CSRNP1: variants seen among roughly 807,000 people sequenced by gnomAD.
CSRNP1 encodes the protein cysteine/serine-rich nuclear protein 1.
A neutral mutation model predicts 25.0 loss-of-function variants in CSRNP1; 8 were observed. The observed-to-expected ratio is 0.32, with a 90% CI of 0.19 to 0.58. The LOEUF is 0.58. Among genes scored for constraint, CSRNP1 ranks in the 20% least tolerant of loss-of-function variants. The pLI is 0.88. For synonymous variants in CSRNP1, 305 were observed against 303.1 expected (o/e 1.01, Z -0.06); for missense variants, 691 against 773.1 (o/e 0.89, Z 1.26).
rs375503400 is a variant in CSRNP1 at position 39,143,021 on chromosome 3, G to A, written c.*34C>T. ...CCATAATTACAAGAAAGCAGCAACAGGTCTCTTGGGGCTGGGAAAAGACAT... is the reference window on the plus strand; with the variant it reads ...CCATAATTACAAGAAAGCAGCAACAAGTCTCTTGGGGCTGGGAAAAGACAT... On this transcript the variant is annotated 3_prime_UTR_variant, in exon 5 of 5. Transcript: ENST00000273153. 6.6e-7 allele frequency: 1 copy of A among 1,526,118 alleles called. No individual in the cohort carries two copies. Among genetic ancestry groups the A allele is most frequent in the Non-Finnish European group, 8.8e-7 (1 of 1,137,470 alleles). 94.5% of individuals were successfully genotyped at this position (1,526,118 alleles called of 1,614,324 possible). A position where few individuals can be genotyped will look rare whatever the true frequency, so the allele number is the denominator to read the frequency against.
chr3:39,143,882 G>A lies in CSRNP1; in HGVS notation c.943C>T (p.Pro315Ser). 6.2e-7 allele frequency: 1 copy of A among 1,614,198 alleles called. No individual in the cohort carries two copies. Among genetic ancestry groups the A allele is most frequent in the South Asian group, 1.1e-5 (1 of 91,088 alleles). The change falls in exon 5 of 5, where the codon CCT (proline) becomes TCT (serine). Residue 315 changes from proline to serine, a missense_variant. Physicochemically the swap from Pro to Ser is moderately conservative, Grantham distance 74 (BLOSUM62 -1). Coordinates refer to ENST00000273153, the MANE Select transcript of CSRNP1 (RefSeq NM_033027.4). ...GGGCTGGGTGGGCTGCCCTGGGCAG[G>A]GGCCTCCAGCTCCCTAAAGCTCTCA... ...EAESFRELEA[P>S]AQGSPPSPGE... is the part of the protein sequence containing the mutation.
At chr3:39,154,266 C>G (rs997885228), upstream of CSRNP1, 1 of 152,228 alleles carries the variant, frequency 6.6e-6, no homozygotes, top group African/African-American at 2.4e-5. Flanking sequence ...GTTCTTAGAA[C>G]TAGCTTCCCC....
At position 39,143,936 on chromosome 3, in the gene CSRNP1, G is replaced by A. The variant is rs758292915; in HGVS notation, c.889C>T (p.Leu297Phe). ...ARVQTHFIHTLTRLQLEQEAE... is the reference protein window; with the variant it reads ...ARVQTHFIHTFTRLQLEQEAE... ...TCCTGTTCCAACTGCAGGCGGGTGA[G>A]TGTGTGGATGAAATGGGTCTGAACT... The change falls in exon 5 of 5, where the codon CTC (leucine) becomes TTC (phenylalanine). Residue 297 changes from leucine to phenylalanine, a missense_variant. Physicochemically the swap from Leu to Phe is conservative, Grantham distance 22 (BLOSUM62 0). Coordinates refer to ENST00000273153, the MANE Select transcript of CSRNP1 (RefSeq NM_033027.4). The A allele has an allele frequency of 2.4e-5, 39 of 1,614,102 alleles. No individual in the cohort carries two copies. The highest frequency in any genetic ancestry group is 4.0e-5 in the African/African-American group (3 of 74,934).
chr3:39,148,577 C>T (rs1444460473), intron 1 of CSRNP1: 1 of 152,336 alleles, frequency 6.6e-6, no homozygotes, highest in Non-Finnish European at 1.5e-5. Context: ...ACATAAAATT[C>T]TGCAGGCCCC....
At chr3:39,147,229 G>C (rs2039526516) in intron 1 of CSRNP1, among the ~76,000 whole-genome samples, 2 of 150,396 alleles carry the variant, frequency 1.3e-5, no homozygotes, top group East Asian at 4.0e-4. Context: ...GTGTGTGTGT[G>C]TGTGTGTATG....
Position 39,146,626 on chromosome 3 carries a change from G to C in CSRNP1, c.57C>G (p.Val19=), listed in dbSNP as rs2039517473. 6.4e-7 allele frequency: 1 copy of C among 1,572,792 alleles called. No individual in the cohort carries two copies. ...ACCCAGAGGAAGAGGAGGAGGAGGA[G>C]ACCGAGGAGTTGTCCTCATCCAGCT... ...FDQLDEDNSS[V]SSSSSSSGCQ... Residue 19 remains valine, a synonymous_variant, in exon 2 of 5, where the codon GTC becomes GTG. Coordinates refer to ENST00000273153, the MANE Select transcript of CSRNP1 (RefSeq NM_033027.4).
At position 39,143,028 on chromosome 3, in the gene CSRNP1, T is replaced by C; in HGVS notation, c.*27A>G. Reference sequence around the variant, plus strand: ...TACAAGAAAGCAGCAACAGGTCTCTTGGGGCTGGGAAAAGACATCCTGGTC... The same window carrying C: ...TACAAGAAAGCAGCAACAGGTCTCTCGGGGCTGGGAAAAGACATCCTGGTC... On this transcript the variant is annotated 3_prime_UTR_variant, in exon 5 of 5. Transcript: ENST00000273153. 2 of 1,531,264 alleles carry C rather than the reference T, an allele frequency of 1.3e-6. No individual in the cohort carries two copies. The highest frequency in any genetic ancestry group is 1.8e-6 in the Non-Finnish European group (2 of 1,139,242). 94.9% of individuals were successfully genotyped at this position (1,531,264 alleles called of 1,614,324 possible). A position where few individuals can be genotyped will look rare whatever the true frequency, so the allele number is the denominator to read the frequency against.
Position 39,146,492 on chromosome 3 carries a change from G to A in CSRNP1, c.191C>T (p.Pro64Leu). 1 of 1,545,332 alleles carries A rather than the reference G, an allele frequency of 6.5e-7. No homozygotes were observed. Among genetic ancestry groups the A allele is most frequent in the Non-Finnish European group, 8.7e-7 (1 of 1,143,492 alleles). Reference sequence around the variant, plus strand: ...GGAGTACTCACGGGTGAAACTTCTGGGGCCGCAGAAGTCACGGTCAGGCAG... The same window carrying A: ...GGAGTACTCACGGGTGAAACTTCTGAGGCCGCAGAAGTCACGGTCAGGCAG... ...MPLPDRDFCGPRSFTPLSILK... is the reference protein window; with the variant it reads ...MPLPDRDFCGLRSFTPLSILK... The change falls in exon 2 of 5, where the codon CCC becomes CTC. Residue 64 changes from proline to leucine, a missense_variant. Transcript: ENST00000273153.
chr3:39,146,343 A>G (rs954026953), intron 2 of CSRNP1, 135 bp downstream of exon 2: 11 of 1,121,042 alleles, frequency 9.8e-6, no homozygotes, highest in Non-Finnish European at 1.4e-5. Flanking sequence ...AGTGACCACT[A>G]TATTATAGCT....
intron 2 of CSRNP1, among the ~76,000 whole-genome samples, chr3:39,146,228 G>A (rs775067587): frequency 5.3e-5 from 8 of 152,068 alleles, no homozygotes; most frequent in African/African-American, 1.2e-4. Flanking sequence ...GGGCCAGACC[G>A]GGAAGGCCCT....
rs772280973 is a variant in CSRNP1 at position 39,142,118 on chromosome 3, G to A, written c.*937C>T. On this transcript the variant is annotated 3_prime_UTR_variant, in exon 5 of 5. Coordinates refer to ENST00000273153, the MANE Select transcript of CSRNP1 (RefSeq NM_033027.4). ...GCCAACTGGCCTCAGGGCATGGGCAGGTGGGCCACGCTGAAGTGCAGTGCC... is the reference window on the plus strand; with the variant it reads ...GCCAACTGGCCTCAGGGCATGGGCAAGTGGGCCACGCTGAAGTGCAGTGCC... The A allele has an allele frequency of 1.3e-5, 2 of 152,512 alleles. No individual in the cohort carries two copies. The highest frequency in any genetic ancestry group is 4.8e-5 in the African/African-American group (2 of 41,470). 9.4% of individuals were successfully genotyped at this position (152,512 alleles called of 1,614,324 possible).
At position 39,142,228 on chromosome 3, in the gene CSRNP1, T is replaced by C. The variant is rs2039421764; in HGVS notation, c.*827A>G. ...CCTCTCTGGGCTTCCTGTTTCCTCC[T>C]TCCCCCTCCTACATCCCTGGGCCTG... On this transcript the variant is annotated 3_prime_UTR_variant, in exon 5 of 5. Transcript: ENST00000273153. 6.6e-6 allele frequency: 1 copy of C among 152,290 alleles called. No individual in the cohort carries two copies. The highest frequency in any genetic ancestry group is 2.1e-4 in the South Asian group (1 of 4,836). 9.4% of individuals were successfully genotyped at this position (152,290 alleles called of 1,614,324 possible). A position where few individuals can be genotyped will look rare whatever the true frequency, so the allele number is the denominator to read the frequency against.
chr3:39,148,248 C>G (rs2039543561), intron 1 of CSRNP1: 1 of 152,182 alleles, frequency 6.6e-6, no homozygotes, highest in Admixed American at 6.5e-5. Context: ...CTTGGCACCC[C>G]CCTCCCAGGG....
chr3:39,146,831 G>A, intron 1 of CSRNP1, 109 bp from the exon 2 acceptor site: 2 of 1,421,132 alleles, frequency 1.4e-6, no homozygotes, highest in Non-Finnish European at 1.9e-6. Flanking sequence ...CCAGACCCTG[G>A]CCTCTGCCCT....
intron 1 of CSRNP1, chr3:39,152,222 C>G (rs2039590651): frequency 6.6e-6 from 1 of 152,580 alleles, no homozygotes; most frequent in South Asian, 2.0e-4. Context: ...GGGTAAGGAA[C>G]AGGAGGAGGG....
chr3:39,144,120 C>T lies in CSRNP1; in HGVS notation c.780+17G>A, dbSNP rs774757151. The T allele has an allele frequency of 6.2e-7, 1 of 1,609,800 alleles. No individual in the cohort carries two copies. The highest frequency in any genetic ancestry group is 1.7e-5 in the Admixed American group (1 of 59,928). ...GTCCCCACGCTCAGGATCCCCATCC[C>T]AGTCCAGCCACCACACCTGGCACTT... On this transcript the variant is annotated intron_variant, in intron 4 of 4. Transcript: ENST00000273153.
chr3:39,146,698 G>C lies in CSRNP1; in HGVS notation c.-16C>G. 1 of 1,555,144 alleles carries C rather than the reference G, an allele frequency of 6.4e-7. No individual in the cohort carries two copies. The highest frequency in any genetic ancestry group is 1.7e-4 in the Middle Eastern group (1 of 5,874). The stretch of plus-strand genomic sequence containing the variant: ...GCCCAGTCATGGTGGTGCCGGACGT[G>C]CTCTGGGGTCTGGGGACAGACAGCC... On this transcript the variant is annotated 5_prime_UTR_variant, in exon 2 of 5. Coordinates refer to ENST00000273153, the MANE Select transcript of CSRNP1 (RefSeq NM_033027.4).
rs1272519161 is a variant in CSRNP1, at chr3:39,153,477, G to A, written c.-80C>T. 3.1e-6 allele frequency: 1 copy of A among 318,132 alleles called. No individual in the cohort carries two copies. The highest frequency in any genetic ancestry group is 6.6e-6 in the Non-Finnish European group (1 of 151,262). The allele number at this position is 318,132 out of a possible 1,614,324, so 19.7% of individuals were successfully genotyped here. ...CTCGCGGAGGACAACGACGCGACCC[G>A]CGTCCCGGCCGGGGACGCCCCCTGC... On this transcript the variant is annotated 5_prime_UTR_variant, in exon 1 of 5. Coordinates refer to ENST00000273153, the MANE Select transcript of CSRNP1 (RefSeq NM_033027.4).
Position 39,143,122 on chromosome 3 carries a change from T to C in CSRNP1, c.1703A>G (p.Asp568Gly). 1 of 1,613,766 alleles carries C rather than the reference T, an allele frequency of 6.2e-7. No individual in the cohort carries two copies. ...CTCAAACTGGCTGTCAATAAAGGGA[T>C]CTAGGGCTTCGGCGGCTGGCTCGGA... ...GFSEPAAEAL[D>G]PFIDSQFEDT... Residue 568 changes from aspartate (D) to glycine (G), a missense_variant, in exon 5 of 5, where the codon GAT becomes GGT. Transcript: ENST00000273153.
Sources: allele counts gnomAD v4.1 joint callset (sites outside exome capture counted in the v4.1 genomes callset), GRCh38; gene constraint gnomAD v4.1.1; transcripts MANE v1.5; gene names NCBI Gene and HGNC (gene_info 2026-07-23, HGNC 2026-07-21).